Variants in ALG6 observed in about 807,000 individuals in gnomAD.
ALG6 encodes the protein dolichyl pyrophosphate Man9GlcNAc2 alpha-1,3-glucosyltransferase.
Under a neutral mutation model 66.6 loss-of-function variants are expected in ALG6, and 46 were observed. The observed-to-expected ratio is 0.69, with a 90% CI of 0.55 to 0.88. ALG6 has a LOEUF of 0.88. Ranked by LOEUF, ALG6 falls within the 40% of genes least tolerant of loss-of-function variation. ALG6 has a pLI of 0.00. For missense variants in ALG6, 505 were observed against 586.8 expected (o/e 0.86, Z 1.44); for synonymous variants, 185 against 203.7 (o/e 0.91, Z 0.78).
In ALG6 at chr1:63,400,316, TATACGTATATATATATATAC is replaced by T. The variant is rs1429997012; in HGVS notation, c.168-1937_168-1918del. On this transcript the variant is annotated intron_variant, in intron 3 of 14. Transcript: ENST00000263440. ...ATATACGTATATATATGTATATATA[TATACGTATATATATATATAC>T]GTATATATATATGTATATATATATG... Among the ~76,000 whole-genome samples, 5 of 13,268 alleles carry T rather than the reference TATACGTATATATATATATAC, an allele frequency of 3.8e-4. 1 individual carries two copies. The highest frequency in any genetic ancestry group is 2.7e-3 in the Admixed American group (3 of 1,128). The allele number at this position is 13,268 out of a possible 152,430, so 8.7% of individuals were successfully genotyped here.
chr1:63,394,901 T>C (rs1215265863), intron 2 of ALG6, among the ~76,000 whole-genome samples: 1 of 151,680 alleles, frequency 6.6e-6, no homozygotes, highest in Non-Finnish European at 1.5e-5. Context: ...AGTCTCACTC[T>C]GTCGCCCAGG....
At chr1:63,387,801 C>G (rs1648549148) in intron 2 of ALG6, among the ~76,000 whole-genome samples, 1 of 152,002 alleles carries the variant, frequency 6.6e-6, no homozygotes. Flanking sequence ...CTCAGCCTGC[C>G]AAAGTACTGG....
At chr1:63,431,642 T>A (rs1644646117) in intron 14 of ALG6, among the ~76,000 whole-genome samples, 1 of 152,210 alleles carries the variant, frequency 6.6e-6, no homozygotes, top group Non-Finnish European at 1.5e-5. Flanking sequence ...AGTCTTCCAA[T>A]GAACAAACAC....
At chr1:63,379,778 A>T (rs1053734313) in intron 2 of ALG6, among the ~76,000 whole-genome samples, 2 of 149,192 alleles carry the variant, frequency 1.3e-5, no homozygotes, top group African/African-American at 4.9e-5. Context: ...ATTATATATA[A>T]AACATATATA....
At chr1:63,415,266 A>G (rs1644540246) in intron 10 of ALG6, among the ~76,000 whole-genome samples, 1 of 152,134 alleles carries the variant, frequency 6.6e-6, no homozygotes, top group Admixed American at 6.5e-5. Context: ...TTCAGGGGCT[A>G]TTTCCCATAG....
At chr1:63,426,940 G>A (rs1168116193) in intron 12 of ALG6, among the ~76,000 whole-genome samples, 1 of 152,180 alleles carries the variant, frequency 6.6e-6, no homozygotes, top group African/African-American at 2.4e-5. Context: ...TATTTATTGA[G>A]CACCTTCAAT....
Position 63,415,100 on chromosome 1 carries a change from A to G in ALG6, c.903-773A>G, listed in dbSNP as rs74079879. On this transcript the variant is annotated intron_variant, in intron 10 of 14. Coordinates refer to ENST00000263440, the MANE Select transcript of ALG6 (RefSeq NM_013339.4). ...ATGGGTGTGGCCTCTCTGTCTTCCA[A>G]ATCTTATGAGAATTTCCCTTGTAGC... 4.9e-3 allele frequency among the ~76,000 whole-genome samples: 739 copies of G among 152,286 alleles called. 4 individuals carry two copies. Among genetic ancestry groups the G allele is most frequent in the African/African-American group, 0.017 (694 of 41,546 alleles).
chr1:63,430,877 A>G (rs1482405563), intron 14 of ALG6, among the ~76,000 whole-genome samples: 1 of 152,020 alleles, frequency 6.6e-6, no homozygotes, highest in Non-Finnish European at 1.5e-5. Flanking sequence ...TGCAGCAGAA[A>G]AGTTTTGATT....
chr1:63,386,416 AAAT>A (rs1648505467), intron 2 of ALG6, among the ~76,000 whole-genome samples: 1 of 152,164 alleles, frequency 6.6e-6, no homozygotes, highest in African/African-American at 2.4e-5. Flanking sequence ...ATGTTTAGTG[AAAT>A]TCAACAGTGA....
At chr1:63,429,192 T>A in intron 14 of ALG6, 66 bp downstream of exon 14, 1 of 1,194,462 alleles carries the variant, frequency 8.4e-7, no homozygotes, top group Non-Finnish European at 1.2e-6. Flanking sequence ...ATTATTGAAG[T>A]AGTGATTTTC....
chr1:63,387,949 C>T (rs1456649116), intron 2 of ALG6, among the ~76,000 whole-genome samples: 1 of 152,042 alleles, frequency 6.6e-6, no homozygotes, highest in African/African-American at 2.4e-5. Flanking sequence ...CTTTTTCCAT[C>T]CTTTTATTTT....
Position 63,410,214 on chromosome 1 carries a change from A to G in ALG6, c.495-932A>G, listed in dbSNP as rs567959284. On this transcript the variant is annotated intron_variant, in intron 7 of 14. Coordinates refer to ENST00000263440, the MANE Select transcript of ALG6 (RefSeq NM_013339.4). ...CAGAAATATGTTGAAATCTTTATCT[A>G]TTATAACAGATCCTCCCATTCTCTT... 7.8e-4 allele frequency among the ~76,000 whole-genome samples: 119 copies of G among 152,122 alleles called. 1 individual carries two copies. In the South Asian group the frequency reaches 0.021, roughly 27 times the overall value.
chr1:63,391,378 T>C lies in ALG6; in HGVS notation c.83-5135T>C, dbSNP rs1235566259. On this transcript the variant is annotated intron_variant, in intron 2 of 14. Transcript: ENST00000263440. ...GAGGGGAGAGTTGTAGAAAATGTGA[T>C]AGGACAATAGAGTATGAGTCAAGAG... 3.3e-5 allele frequency among the ~76,000 whole-genome samples: 5 copies of C among 152,242 alleles called. No individual in the cohort carries two copies. The East Asian group carries it at 9.6e-4, about 29-fold the overall frequency.
Position 63,433,965 on chromosome 1 carries a change from A to T in ALG6, c.1327-2858A>T, listed in dbSNP as rs1445578956. ...TTGAGCAAAGAACCAAAGGAAGTAA[A>T]CTGCAGATAATTGAGGGTAGAACAT... is the stretch of plus-strand genomic sequence containing the variant. On this transcript the variant is annotated intron_variant, in intron 14 of 14. Coordinates refer to ENST00000263440, the MANE Select transcript of ALG6 (RefSeq NM_013339.4). This position sits in a 1 kb window ranked among gnomAD's most constrained non-coding sequence, Gnocchi z 4.2. Among the ~76,000 whole-genome samples, 1 of 152,330 alleles carries T rather than the reference A, an allele frequency of 6.6e-6. No homozygotes were observed. Among genetic ancestry groups the T allele is most frequent in the East Asian group, 1.9e-4 (1 of 5,184 alleles).
intron 2 of ALG6, among the ~76,000 whole-genome samples, chr1:63,372,562 A>G (rs1196497970): frequency 6.6e-6 from 1 of 151,694 alleles, no homozygotes; most frequent in Non-Finnish European, 1.5e-5. Flanking sequence ...ACACAGACAT[A>G]TATATGGATA....
chr1:63,436,866 C>T lies in ALG6; in HGVS notation c.1370C>T (p.Thr457Ile). 6.2e-6 allele frequency: 10 copies of T among 1,613,780 alleles called. No homozygotes were observed. Among genetic ancestry groups the T allele is most frequent in the Non-Finnish European group, 8.5e-6 (10 of 1,179,782 alleles). The stretch of plus-strand genomic sequence containing the variant: ...ACTATGGTGCTTCTGACGTTGATGA[C>T]TGTCACACTGGATCCTCCTCAGAAA... The part of the protein sequence containing the change: ...VITMVLLTLM[T>I]VTLDPPQKLP... The change falls in exon 15 of 15, where the codon ACT becomes ATT. Residue 457 changes from threonine (T) to isoleucine (I), a missense_variant. Physicochemically the swap from Thr to Ile is moderately conservative, Grantham distance 89. Coordinates refer to ENST00000263440, the MANE Select transcript of ALG6 (RefSeq NM_013339.4).
At chr1:63,403,928 T>C (rs1644477918) in intron 4 of ALG6, among the ~76,000 whole-genome samples, 1 of 152,146 alleles carries the variant, frequency 6.6e-6, no homozygotes, top group Admixed American at 6.5e-5. Flanking sequence ...TTTGCAAAAA[T>C]AAGCTTCATG....
intron 2 of ALG6, among the ~76,000 whole-genome samples, chr1:63,382,087 TA>T (rs1223549829): frequency 6.6e-6 from 1 of 152,034 alleles, no homozygotes; most frequent in Non-Finnish European, 1.5e-5. Context: ...TGTTGTTTTT[TA>T]AAAGTTTTTT....
At chr1:63,380,421 G>T (rs1226167115) in intron 2 of ALG6, among the ~76,000 whole-genome samples, 2 of 152,128 alleles carry the variant, frequency 1.3e-5, no homozygotes, top group African/African-American at 4.8e-5. Flanking sequence ...ATTAGAAGTT[G>T]TTACATAAAA....
Sources: allele counts gnomAD v4.1 joint callset (sites outside exome capture counted in the v4.1 genomes callset), GRCh38; gene constraint gnomAD v4.1.1; non-coding constraint Gnocchi (gnomAD v3.1); transcripts MANE v1.5; gene names NCBI Gene and HGNC (gene_info 2026-07-23, HGNC 2026-07-21).